The following ROBO1 variants were observed in gnomAD, a reference collection of about 807,000 sequenced individuals.
The protein encoded by ROBO1 is roundabout homolog 1.
A neutral mutation model predicts 195.9 loss-of-function variants in ROBO1; 149 were observed. The ratio of observed to expected loss-of-function variants is 0.76; its 90% CI spans 0.67 to 0.87. ROBO1 has a LOEUF of 0.87. Among genes scored for constraint, ROBO1 ranks in the 40% least tolerant of loss-of-function variants. The pLI is 0.00. For synonymous variants in ROBO1, 816 were observed against 733.2 expected (o/e 1.11, Z -1.82); for missense variants, 1,933 against 2,068.3 (o/e 0.93, Z 1.27).
chr3:79,298,363 G>A (rs922921624), intron 2 of ROBO1, among the ~76,000 whole-genome samples: 1 of 151,844 alleles, frequency 6.6e-6, no homozygotes. Flanking sequence ...AAAATGGTCT[G>A]TAACCCTGGT....
chr3:78,905,568 G>A (rs2037854139), intron 4 of ROBO1, among the ~76,000 whole-genome samples: 1 of 152,028 alleles, frequency 6.6e-6, no homozygotes, highest in Non-Finnish European at 1.5e-5. Flanking sequence ...GCAGTGAGCT[G>A]TGATAGTGCC....
chr3:78,952,539 T>C (rs1024492734), intron 3 of ROBO1, among the ~76,000 whole-genome samples: 1 of 151,930 alleles, frequency 6.6e-6, no homozygotes, highest in Non-Finnish European at 1.5e-5. Context: ...TGTCAGAATT[T>C]CATCCTACAA....
intron 2 of ROBO1, among the ~76,000 whole-genome samples, chr3:79,394,910 A>C (rs899261147): frequency 3.3e-5 from 5 of 152,222 alleles, no homozygotes; most frequent in African/African-American, 1.2e-4. Flanking sequence ...AACACACATA[A>C]AATTCACAGA....
intron 3 of ROBO1, among the ~76,000 whole-genome samples, chr3:78,954,259 T>A (rs1396073616): frequency 1.3e-5 from 2 of 152,088 alleles, no homozygotes; most frequent in Admixed American, 6.6e-5. Context: ...CTGTTCCTTG[T>A]GGAAAACATT....
At chr3:79,646,341 A>G (rs1185616703) in intron 1 of ROBO1, among the ~76,000 whole-genome samples, 1 of 152,156 alleles carries the variant, frequency 6.6e-6, no homozygotes, top group Non-Finnish European at 1.5e-5. Flanking sequence ...GAGAAATGCA[A>G]ATCAAACGCA....
chr3:78,951,535 C>G lies in ROBO1; in HGVS notation c.173-12608G>C, dbSNP rs1018028902. 2.6e-5 allele frequency among the ~76,000 whole-genome samples: 4 copies of G among 152,026 alleles called. No individual in the cohort carries two copies. The South Asian group carries it at 8.3e-4, about 32-fold the overall frequency. On this transcript the variant is annotated intron_variant, in intron 3 of 30. Transcript: ENST00000464233. ...GGGGTTAAAAAAAACAACAACACCA[C>G]ACAGACTGATGACGTGAGGCTTTTA... is the stretch of plus-strand genomic sequence containing the variant.
intron 1 of ROBO1, among the ~76,000 whole-genome samples, chr3:79,592,367 A>G (rs1161963378): frequency 2.0e-5 from 3 of 152,000 alleles, no homozygotes; most frequent in Non-Finnish European, 4.4e-5. Context: ...TCCTCAAATA[A>G]ATTTTCATGA....
chr3:79,231,976 A>G (rs2082328483), intron 2 of ROBO1, among the ~76,000 whole-genome samples: 1 of 152,104 alleles, frequency 6.6e-6, no homozygotes, highest in Non-Finnish European at 1.5e-5. Flanking sequence ...AGAAAACCAA[A>G]TTCTGCATAT....
intron 2 of ROBO1, among the ~76,000 whole-genome samples, chr3:79,150,105 T>A (rs141111118): frequency 6.6e-6 from 1 of 151,860 alleles, no homozygotes; most frequent in Non-Finnish European, 1.5e-5. Context: ...GATTTTCCCA[T>A]CTAGACACTG....
chr3:79,455,426 G>C (rs2039586879), intron 2 of ROBO1, among the ~76,000 whole-genome samples: 1 of 152,016 alleles, frequency 6.6e-6, no homozygotes, highest in Non-Finnish European at 1.5e-5. Flanking sequence ...TAATTGTGAG[G>C]TGTGTAATTT....
chr3:78,708,215 T>C (rs2081598721), intron 8 of ROBO1, among the ~76,000 whole-genome samples: 1 of 152,070 alleles, frequency 6.6e-6, no homozygotes, highest in Admixed American at 6.6e-5. Flanking sequence ...GAGGACAAAC[T>C]CAGAAACAGG....
At chr3:79,765,205 A>T (rs1471563801) in intron 1 of ROBO1, among the ~76,000 whole-genome samples, 1 of 152,248 alleles carries the variant, frequency 6.6e-6, no homozygotes, top group Admixed American at 6.5e-5. Context: ...ATGGAGCAGG[A>T]AGATATGTGC....
intron 2 of ROBO1, among the ~76,000 whole-genome samples, chr3:79,300,909 C>A (rs2032910008): frequency 6.6e-6 from 1 of 151,974 alleles, no homozygotes; most frequent in Non-Finnish European, 1.5e-5. Context: ...AGGTGGAGAA[C>A]CTTTGTGTCT....
At chr3:79,059,742 T>C (rs1334674885) in intron 3 of ROBO1, among the ~76,000 whole-genome samples, 2 of 152,100 alleles carry the variant, frequency 1.3e-5, no homozygotes, top group African/African-American at 4.8e-5. Flanking sequence ...CTGTCTTTAC[T>C]TTAATCTCTT....
At chr3:79,648,017 C>T (rs1945885158) in intron 1 of ROBO1, among the ~76,000 whole-genome samples, 1 of 151,934 alleles carries the variant, frequency 6.6e-6, no homozygotes, top group African/African-American at 2.4e-5. Flanking sequence ...AACAATTGGC[C>T]TAAAGGAAAA....
intron 1 of ROBO1, among the ~76,000 whole-genome samples, chr3:79,699,260 A>T (rs1266692473): frequency 6.6e-6 from 1 of 151,368 alleles, no homozygotes; most frequent in Admixed American, 6.6e-5. Context: ...TGAAAATAAT[A>T]TATGGTATGG....
At chr3:79,019,463 T>G (rs1222479348) in intron 3 of ROBO1, 2 of 986,262 alleles carry the variant, frequency 2.0e-6, no homozygotes, top group Non-Finnish European at 2.4e-6. Context: ...CTCAATTGCT[T>G]GTGGGTTTCC....
At chr3:78,914,744 T>C (rs890891626) in intron 4 of ROBO1, among the ~76,000 whole-genome samples, 27 of 139,310 alleles carry the variant, frequency 1.9e-4, no homozygotes, top group East Asian at 4.2e-4. Flanking sequence ...ATACCATGTA[T>C]ACATTTTATA....
rs1702946758 is a variant in ROBO1, at chr3:78,598,130, G to A, written c.*783C>T. On this transcript the variant is annotated 3_prime_UTR_variant, in exon 31 of 31. Transcript: ENST00000464233. ...AAAAACATCCACTTGTTTGTAATAC[G>A]TATTTATAATTACTTTTTGATGATT... The A allele has an allele frequency of 6.6e-6, 1 of 152,488 alleles. No homozygotes were observed. Among genetic ancestry groups the A allele is most frequent in the African/African-American group, 2.4e-5 (1 of 41,410 alleles). The allele number at this position is 152,488 out of a possible 1,614,324, so 9.4% of individuals were successfully genotyped here.
Sources: gnomAD v4.1 joint callset for allele counts (sites outside exome capture counted in the v4.1 genomes callset) on GRCh38, gnomAD v4.1.1 for gene constraint, MANE v1.5 for transcripts, NCBI Gene and HGNC (gene_info 2026-07-23, HGNC 2026-07-21) for gene names.